RIN3: variants seen among roughly 807,000 people sequenced by gnomAD.
The protein encoded by RIN3 is RAB5 interacting protein 3.
A neutral mutation model predicts 76.3 loss-of-function variants in RIN3; 54 were observed. The ratio of observed to expected loss-of-function variants is 0.71; its 90% CI spans 0.57 to 0.89. RIN3 has a LOEUF of 0.89. Ranked by LOEUF, RIN3 falls within the 40% of genes least tolerant of loss-of-function variation. The probability of loss-of-function intolerance (pLI) is 0.00; values close to 1 mark genes in which losing one functional copy is unlikely to be tolerated. For missense variants in RIN3, 1,256 were observed against 1,322.1 expected, an observed-to-expected ratio of 0.95 and a Z score of 0.78; for synonymous variants, 576 against 564.0, an observed-to-expected ratio of 1.02 and a Z score of -0.30.
intron 3 of RIN3, among the ~76,000 whole-genome samples, chr14:92,599,407 T>C (rs1885264738): frequency 6.6e-6 from 1 of 152,054 alleles, no homozygotes; most frequent in Non-Finnish European, 1.5e-5. Flanking sequence ...GGAGGACTCT[T>C]GGGCCTGGTT....
chr14:92,543,262 G>C (rs1291856930), intron 1 of RIN3, among the ~76,000 whole-genome samples: 1 of 151,988 alleles, frequency 6.6e-6, no homozygotes, highest in African/African-American at 2.4e-5. Flanking sequence ...TTTATGGGGG[G>C]TGGGGGGAGT....
At chr14:92,552,819 T>A (rs1566839364) in intron 1 of RIN3, among the ~76,000 whole-genome samples, 1 of 152,110 alleles carries the variant, frequency 6.6e-6, no homozygotes. Flanking sequence ...TTGCCTTGTT[T>A]ATTGCCCGCC....
intron 1 of RIN3, among the ~76,000 whole-genome samples, chr14:92,542,108 C>T (rs1170125426): frequency 6.6e-6 from 1 of 152,048 alleles, no homozygotes; most frequent in Non-Finnish European, 1.5e-5. Context: ...GCCTGGGCAA[C>T]ATAGACCCTG....
At chr14:92,595,638 C>G (rs929753502) in intron 3 of RIN3, among the ~76,000 whole-genome samples, 1 of 152,084 alleles carries the variant, frequency 6.6e-6, no homozygotes, top group African/African-American at 2.4e-5. Context: ...GTGTCAGTAA[C>G]CTGGGTTCTA....
At chr14:92,590,873 C>T (rs1239450691) in intron 3 of RIN3, among the ~76,000 whole-genome samples, 3 of 152,188 alleles carry the variant, frequency 2.0e-5, no homozygotes, top group Non-Finnish European at 2.9e-5. Context: ...CTCATCATAT[C>T]ACTAAAGGCC....
intron 1 of RIN3, among the ~76,000 whole-genome samples, chr14:92,542,414 A>G (rs1169818820): frequency 6.6e-6 from 1 of 152,242 alleles, no homozygotes; most frequent in Non-Finnish European, 1.5e-5. Flanking sequence ...GACAGACAAT[A>G]TAACAAGTGT....
chr14:92,612,336 C>T (rs927985430), intron 3 of RIN3, among the ~76,000 whole-genome samples: 9 of 152,210 alleles, frequency 5.9e-5, no homozygotes, highest in Admixed American at 1.3e-4. Context: ...CACCACCCAT[C>T]AGAACAAAGG....
intron 1 of RIN3, among the ~76,000 whole-genome samples, chr14:92,532,578 C>T (rs1234171264): frequency 6.6e-6 from 1 of 152,220 alleles, no homozygotes; most frequent in African/African-American, 2.4e-5. Flanking sequence ...CTCTCCCTCT[C>T]CCTTCTCAGC....
At chr14:92,525,269 CT>C (rs1276485992) in intron 1 of RIN3, among the ~76,000 whole-genome samples, 1 of 152,230 alleles carries the variant, frequency 6.6e-6, no homozygotes, top group Non-Finnish European at 1.5e-5. Flanking sequence ...GCGCTCGCCC[CT>C]GATGCCTGTG....
At position 92,684,866 on chromosome 14, in the gene RIN3, G is replaced by C; in HGVS notation, c.2468-121G>C. ...TCAGCTGTTGAAGCAGGTGTTTGCA[G>C]ATGTGCCTCAAGCAGAGGTGGTGGG... On this transcript the variant is annotated intron_variant, in intron 8 of 9. Coordinates refer to ENST00000216487, the MANE Select transcript of RIN3 (RefSeq NM_024832.5). 8 of 1,049,628 alleles carry C rather than the reference G, an allele frequency of 7.6e-6. No homozygotes were observed. In the South Asian group the frequency reaches 1.2e-4, roughly 15 times the overall value. 65.0% of individuals were successfully genotyped at this position (1,049,628 alleles called of 1,614,324 possible).
intron 4 of RIN3, among the ~76,000 whole-genome samples, chr14:92,636,535 G>T (rs1239564898): frequency 1.3e-5 from 2 of 152,268 alleles, no homozygotes; most frequent in Non-Finnish European, 1.5e-5. Flanking sequence ...AGTGAGCCCA[G>T]ATCATGTCAT....
At chr14:92,545,364 C>G (rs999939749) in intron 1 of RIN3, among the ~76,000 whole-genome samples, 8 of 152,106 alleles carry the variant, frequency 5.3e-5, no homozygotes, top group Middle Eastern at 3.4e-3. Flanking sequence ...CCTGCCTCGG[C>G]CTCCCAAAGT....
At chr14:92,678,518 G>A (rs903157041) in intron 8 of RIN3, among the ~76,000 whole-genome samples, 52 of 79,864 alleles carry the variant, frequency 6.5e-4, no homozygotes, top group Admixed American at 8.9e-4. Flanking sequence ...CCACATATTC[G>A]CCCATCCACC....
intron 6 of RIN3, among the ~76,000 whole-genome samples, chr14:92,658,886 T>A (rs1887771077): frequency 1.3e-5 from 2 of 152,184 alleles, no homozygotes; most frequent in Non-Finnish European, 2.9e-5. Context: ...CTTGTGAAAG[T>A]TTGCTCTCTG....
chr14:92,598,399 G>A (rs1354146051), intron 3 of RIN3, among the ~76,000 whole-genome samples: 2 of 152,234 alleles, frequency 1.3e-5, no homozygotes, highest in Non-Finnish European at 2.9e-5. Context: ...AAAAGAGCAG[G>A]AGAATCACCC....
intron 1 of RIN3, among the ~76,000 whole-genome samples, chr14:92,541,144 C>T (rs140440958): frequency 6.6e-6 from 1 of 152,222 alleles, no homozygotes; most frequent in African/African-American, 2.4e-5. Flanking sequence ...CAGAACCAGA[C>T]AGTGTCATTT....
chr14:92,629,407 A>G (rs949855272), intron 4 of RIN3, among the ~76,000 whole-genome samples: 4 of 152,248 alleles, frequency 2.6e-5, no homozygotes, highest in African/African-American at 9.6e-5. Context: ...AGGCCCAAGC[A>G]TAGGGCCTCA....
chr14:92,625,180 G>A (rs1438460134), intron 4 of RIN3, among the ~76,000 whole-genome samples: 1 of 152,188 alleles, frequency 6.6e-6, no homozygotes, highest in East Asian at 1.9e-4. Flanking sequence ...CATTTCATAA[G>A]GGGATAGGCC....
At chr14:92,529,745 T>A (rs1036107241) in intron 1 of RIN3, among the ~76,000 whole-genome samples, 5 of 152,194 alleles carry the variant, frequency 3.3e-5, no homozygotes, top group Admixed American at 2.0e-4. Flanking sequence ...TTTGGTGGTT[T>A]CACTTTTTAG....
Sources: gnomAD v4.1 joint callset for allele counts (sites outside exome capture counted in the v4.1 genomes callset) on GRCh38, gnomAD v4.1.1 for gene constraint, MANE v1.5 for transcripts, NCBI Gene and HGNC (gene_info 2026-07-23, HGNC 2026-07-21) for gene names.